Variants in DCDC1 observed in about 807,000 individuals in gnomAD.
DCDC1 encodes the protein doublecortin domain containing 1.
A neutral mutation model predicts 178.3 loss-of-function variants in DCDC1; 200 were observed. The ratio of observed to expected loss-of-function variants is 1.12; its 90% confidence interval spans 1.00 to 1.26. DCDC1 has a LOEUF of 1.26. Ranked by LOEUF, DCDC1 falls within the 50% of genes most tolerant of loss-of-function variation. DCDC1 has a pLI of 0.00. For missense variants in DCDC1, 1,983 were observed against 1,749.2 expected (o/e 1.13, Z -2.38); for synonymous variants, 690 against 604.8 (o/e 1.14, Z -2.07).
rs1380633045 is a variant in DCDC1, at chr11:30,900,425, G to A, written c.4584C>T (p.Asp1528=). 1 of 1,578,868 alleles carries A rather than the reference G, an allele frequency of 6.3e-7. No individual in the cohort carries two copies. The highest frequency in any genetic ancestry group is 2.3e-5 in the East Asian group (1 of 43,690). Residue 1528 remains aspartate (D), a synonymous_variant, in exon 33 of 39, where the codon GAC becomes GAT. Coordinates refer to ENST00000684477, the MANE Select transcript of DCDC1 (RefSeq NM_001387274.1). ...TGAGGATGAGGGTAAGCAAAGACTT[G>A]TCTATACCATCCAAACTATCGGATG... ...SVTSDSLDGI[D]KSLLTLILRN... is the part of the protein sequence containing the mutation.
At chr11:31,126,332 AT>A in intron 11 of DCDC1, among the ~76,000 whole-genome samples, 1 of 152,328 alleles carries the variant, frequency 6.6e-6, no homozygotes, top group East Asian at 1.9e-4. Context: ...CTACTGCACT[AT>A]AGAAACCCTT....
At chr11:31,123,858 T>A (rs1207173234) in intron 11 of DCDC1, among the ~76,000 whole-genome samples, 7 of 151,994 alleles carry the variant, frequency 4.6e-5, no homozygotes, top group Non-Finnish European at 1.0e-4. Flanking sequence ...ATAAGGAAAG[T>A]CCTGGGAAAC....
At chr11:31,198,724 G>A (rs1970968950) in intron 9 of DCDC1, among the ~76,000 whole-genome samples, 2 of 151,820 alleles carry the variant, frequency 1.3e-5, no homozygotes, top group Admixed American at 6.6e-5. Flanking sequence ...TACCAATAGT[G>A]AACTGATTAA....
intron 11 of DCDC1, among the ~76,000 whole-genome samples, chr11:31,112,925 C>T (rs188743658): frequency 1.3e-5 from 2 of 152,276 alleles, no homozygotes; most frequent in East Asian, 3.9e-4. Context: ...AAGATTCCTG[C>T]TCTCAATGTG....
At chr11:31,339,479 A>G (rs920015097) in intron 1 of DCDC1, among the ~76,000 whole-genome samples, 1 of 152,204 alleles carries the variant, frequency 6.6e-6, no homozygotes, top group Non-Finnish European at 1.5e-5. Flanking sequence ...ATAAGATACT[A>G]TGGAAACAAA....
chr11:31,284,766 G>C (rs1039727940), intron 7 of DCDC1, among the ~76,000 whole-genome samples: 1 of 151,736 alleles, frequency 6.6e-6, no homozygotes, highest in Non-Finnish European at 1.5e-5. Context: ...AGCCTCCCAA[G>C]TAGCTTGGAT....
intron 2 of DCDC1, among the ~76,000 whole-genome samples, chr11:31,333,966 A>G (rs1408626575): frequency 6.6e-6 from 1 of 152,208 alleles, no homozygotes; most frequent in African/African-American, 2.4e-5. Context: ...AATATCCTGA[A>G]GAGTGTTTTC....
At chr11:30,944,410 A>G (rs969351990) in intron 21 of DCDC1, 5 of 451,938 alleles carry the variant, frequency 1.1e-5, no homozygotes, top group Non-Finnish European at 2.2e-5. Flanking sequence ...TAAAATTATT[A>G]TTTATGCTTA....
intron 16 of DCDC1, among the ~76,000 whole-genome samples, chr11:31,092,795 T>C (rs1415170005): frequency 6.6e-6 from 1 of 152,198 alleles, no homozygotes; most frequent in African/African-American, 2.4e-5. Flanking sequence ...AGATACCATG[T>C]GTGACTTGTC....
intron 21 of DCDC1, among the ~76,000 whole-genome samples, chr11:30,940,327 C>G (rs979183478): frequency 6.6e-6 from 1 of 152,144 alleles, no homozygotes; most frequent in Non-Finnish European, 1.5e-5. Context: ...TGCCAGACCC[C>G]CAGTTGTTAT....
chr11:31,089,131 C>T (rs897348507), intron 17 of DCDC1, among the ~76,000 whole-genome samples: 1 of 152,124 alleles, frequency 6.6e-6, no homozygotes, highest in Admixed American at 6.6e-5. Context: ...GTGATGAGTT[C>T]TTCAGTTTGT....
rs1404366417 is a variant in DCDC1 at position 31,137,736 on chromosome 11, T to C, written c.1270A>G (p.Ile424Val). 2 of 702,800 alleles carry C rather than the reference T, an allele frequency of 2.8e-6. No homozygotes were observed. Among genetic ancestry groups the C allele is most frequent in the Admixed American group, 2.0e-5 (1 of 49,964 alleles). 43.5% of individuals were successfully genotyped at this position (702,800 alleles called of 1,614,324 possible). Residue 424 changes from isoleucine (I) to valine (V), a missense_variant, in exon 10 of 39, where the codon ATT becomes GTT. Transcript: ENST00000684477. ...TGTTCCTTTGCCGTCATTGAAAGAA[T>C]GACTTTTTCTGTAATTTTCTCCTTC... is the stretch of plus-strand genomic sequence containing the variant. ...EQKEKITEKV[I>V]LSMTAKEHHK...
intron 22 of DCDC1, among the ~76,000 whole-genome samples, chr11:30,930,288 C>T (rs1026220888): frequency 6.6e-6 from 1 of 152,078 alleles, no homozygotes; most frequent in African/African-American, 2.4e-5. Flanking sequence ...GACAACCAGC[C>T]ACCCTGCAAT....
At position 31,109,080 on chromosome 11, in the gene DCDC1, A is replaced by T. The variant is rs554037705; in HGVS notation, c.1587+1180T>A. Among the ~76,000 whole-genome samples the T allele has an allele frequency of 3.3e-5, 5 of 152,102 alleles. No homozygotes were observed. The South Asian group carries it at 1.0e-3, about 32-fold the overall frequency. ...CAGCACAGCTCAATTTCAGTGTGCT[A>T]TAAGTCAACACAAAAAGTTTCTATA... On this transcript the variant is annotated intron_variant, in intron 12 of 38. Transcript: ENST00000684477.
chr11:31,127,061 A>C (rs1033005470), intron 11 of DCDC1, among the ~76,000 whole-genome samples: 5 of 152,198 alleles, frequency 3.3e-5, no homozygotes, highest in Admixed American at 1.3e-4. Flanking sequence ...TCAATCAGTC[A>C]CCTGGCCTTT....
At chr11:31,236,023 A>T (rs1400761411) in intron 9 of DCDC1, among the ~76,000 whole-genome samples, 3 of 152,082 alleles carry the variant, frequency 2.0e-5, no homozygotes, top group Non-Finnish European at 4.4e-5. Context: ...TACATATTTG[A>T]CACTTGGTAG....
Position 31,359,650 on chromosome 11 carries a change from A to G in DCDC1, c.-125+10047T>C, listed in dbSNP as rs149077196. On this transcript the variant is annotated intron_variant, in intron 1 of 38. Coordinates refer to ENST00000684477, the MANE Select transcript of DCDC1 (RefSeq NM_001387274.1). ...ACATGGAAGTAGTGCACTGTAATGCAAAGACCACTGGGACTGGATCACAAA... is the reference window on the plus strand; with the variant it reads ...ACATGGAAGTAGTGCACTGTAATGCGAAGACCACTGGGACTGGATCACAAA... 7.5e-4 allele frequency among the ~76,000 whole-genome samples: 114 copies of G among 152,332 alleles called. 2 individuals carry two copies. The highest frequency in any genetic ancestry group is 1.9e-4 in the African/African-American group (8 of 41,584).
chr11:31,172,816 T>G (rs1967425509), intron 9 of DCDC1, among the ~76,000 whole-genome samples: 1 of 152,144 alleles, frequency 6.6e-6, no homozygotes, highest in Non-Finnish European at 1.5e-5. Flanking sequence ...AAGAGGTTCA[T>G]CTTGTTAATT....
At chr11:30,927,450 C>T (rs757159627) in intron 22 of DCDC1, among the ~76,000 whole-genome samples, 50 of 152,082 alleles carry the variant, frequency 3.3e-4, no homozygotes, top group Non-Finnish European at 6.0e-4. Flanking sequence ...TCCAGCAGAA[C>T]ATCCTACACC....
Sources: gnomAD v4.1 joint callset for allele counts (sites outside exome capture counted in the v4.1 genomes callset) on GRCh38, gnomAD v4.1.1 for gene constraint, MANE v1.5 for transcripts, NCBI Gene and HGNC (gene_info 2026-07-23, HGNC 2026-07-21) for gene names.